The following ANO1 variants were observed in gnomAD, a reference collection of about 807,000 sequenced individuals.
ANO1 encodes anoctamin 1.
Under a neutral mutation model 124.0 loss-of-function variants are expected in ANO1, and 59 were observed. That is an observed-to-expected ratio of 0.48 (90% confidence interval 0.39 to 0.59). ANO1 has a LOEUF of 0.59. Among genes scored for constraint, ANO1 ranks in the 20% least tolerant of loss-of-function variants. The pLI, the probability that ANO1 is intolerant of heterozygous loss-of-function variation, is 0.00. For missense variants in ANO1, 1,059 were observed against 1,328.0 expected (o/e 0.80, Z 3.15); for synonymous variants, 529 against 532.0 (o/e 0.99, Z 0.08).
At chr11:70,087,541 C>T (rs75247001) in intron 1 of ANO1, among the ~76,000 whole-genome samples, 9,629 of 152,238 alleles carry the variant, frequency 0.063, 328 homozygotes, top group Middle Eastern at 0.12. Flanking sequence ...ATACCTCCTT[C>T]TCGAAGTTCA....
chr11:70,126,218 C>A (rs745875650), intron 10 of ANO1, 23 bp downstream of exon 10: 3 of 1,606,570 alleles, frequency 1.9e-6, no homozygotes, highest in Non-Finnish European at 2.5e-6. Flanking sequence ...CCACCCCCAC[C>A]ACCCCGCAGT....
the ANO1 span, among the ~76,000 whole-genome samples, chr11:69,966,130 C>T: frequency 6.6e-6 from 1 of 152,194 alleles, no homozygotes; most frequent in African/African-American, 2.4e-5. Context: ...AGGGTGGCCC[C>T]GCAATGGAAG....
chr11:70,098,229 G>A (rs1339937048), intron 2 of ANO1, among the ~76,000 whole-genome samples: 1 of 152,222 alleles, frequency 6.6e-6, no homozygotes, highest in African/African-American at 2.4e-5. Context: ...CTTGGGAGCT[G>A]AGGAAGCTGC....
intron 21 of ANO1, 63 bp from the exon 22 acceptor site, chr11:70,170,824 T>C: frequency 6.5e-7 from 1 of 1,543,744 alleles, no homozygotes. Context: ...CACGGGGTGG[T>C]GGAGTCCCCC....
At chr11:70,136,494 T>A (rs2046960782) in intron 11 of ANO1, among the ~76,000 whole-genome samples, 1 of 118,480 alleles carries the variant, frequency 8.4e-6, no homozygotes, top group Non-Finnish European at 2.0e-5. Flanking sequence ...CATCGTCCTT[T>A]GGCCGATTTC....
At chr11:70,155,641 G>A (rs1211913039) in intron 14 of ANO1, among the ~76,000 whole-genome samples, 1 of 152,192 alleles carries the variant, frequency 6.6e-6, no homozygotes, top group Non-Finnish European at 1.5e-5. Context: ...TGTGAGATGG[G>A]GCATGACGCG....
chr11:70,167,402 G>C lies in ANO1; in HGVS notation c.2197+15G>C. On this transcript the variant is annotated intron_variant, in intron 21 of 25. Transcript: ENST00000355303. Reference sequence around the variant, plus strand: ...CATGGAAATGAGTGAGTGATGGCCGGGGCAGGCAGGTGACATCAGGATAGA... The same window carrying C: ...CATGGAAATGAGTGAGTGATGGCCGCGGCAGGCAGGTGACATCAGGATAGA... 14 of 1,604,828 alleles carry C rather than the reference G, an allele frequency of 8.7e-6. No individual in the cohort carries two copies. The highest frequency in any genetic ancestry group is 1.2e-5 in the Non-Finnish European group (14 of 1,175,576).
At chr11:70,087,300 AT>A (rs1389993556) in intron 1 of ANO1, among the ~76,000 whole-genome samples, 2 of 152,166 alleles carry the variant, frequency 1.3e-5, no homozygotes, top group Non-Finnish European at 2.9e-5. Context: ...TCCTTTAGTT[AT>A]TTGTCCATGT....
chr11:69,976,557 G>T, the ANO1 span, among the ~76,000 whole-genome samples: 1 of 80,370 alleles, frequency 1.2e-5, no homozygotes, highest in Admixed American at 1.5e-4. Flanking sequence ...AAAAAAAAGA[G>T]AGAGAGAGAG....
At chr11:70,034,345 A>T (rs531272504) in intron 1 of ANO1, among the ~76,000 whole-genome samples, 1 of 152,074 alleles carries the variant, frequency 6.6e-6, no homozygotes, top group Admixed American at 6.6e-5. Flanking sequence ...GGGGCTCAGG[A>T]AGCTTTCTAG....
intron 19 of ANO1, among the ~76,000 whole-genome samples, chr11:70,164,975 G>T (rs1392783698): frequency 6.6e-6 from 1 of 152,116 alleles, no homozygotes; most frequent in Non-Finnish European, 1.5e-5. Context: ...TGGGGCTGCC[G>T]CAACTCGATC....
At chr11:70,030,840 G>A (rs1856987665) in intron 1 of ANO1, among the ~76,000 whole-genome samples, 2 of 152,172 alleles carry the variant, frequency 1.3e-5, no homozygotes, top group Non-Finnish European at 2.9e-5. Flanking sequence ...TCCACCAGCT[G>A]GAAGGATCCC....
At chr11:70,005,552 AG>A (rs1484793985) in intron 1 of ANO1, among the ~76,000 whole-genome samples, 1 of 152,200 alleles carries the variant, frequency 6.6e-6, no homozygotes, top group Non-Finnish European at 1.5e-5. Context: ...TGATCTTCAG[AG>A]GCATATTTTT....
chr11:70,049,742 G>A lies in ANO1; in HGVS notation c.59-28800G>A, dbSNP rs1286549704. On this transcript the variant is annotated intron_variant, in intron 1 of 27. Transcript: ENST00000531349. ...TTTGTTTTGTTTTTGTTTTTTTGAG[G>A]TGGAGTCTCACTCTGTTGCGCAGGC... is the stretch of plus-strand genomic sequence containing the variant. 4.6e-5 allele frequency among the ~76,000 whole-genome samples: 7 copies of A among 151,894 alleles called. No individual in the cohort carries two copies. In the East Asian group the frequency reaches 7.7e-4, roughly 17 times the overall value.
rs76718681 is a variant in ANO1 at position 70,087,785 on chromosome 11, G to A, written c.142G>A (p.Glu48Lys). 81,334 of 1,609,240 alleles carry A rather than the reference G, an allele frequency of 0.051. 2,244 individuals are homozygous for A. The highest frequency in any genetic ancestry group is 0.099 in the African/African-American group (7,398 of 74,914). The change falls in exon 2 of 26, where the codon GAG becomes AAG. Residue 48 changes from glutamate (E) to lysine (K), a missense_variant. Coordinates refer to ENST00000355303, the MANE Select transcript of ANO1 (RefSeq NM_018043.7). The part of the protein sequence containing the change: ...LNSLSVDPDA[E>K]CKYGLYFRDG... The stretch of plus-strand genomic sequence containing the variant: ...CTCCTTATCTGTGGACCCTGATGCC[G>A]AGTGCAAGTATGGCCTGTACTTCAG...
chr11:70,089,994 TGTTTG>T (rs772231517), intron 2 of ANO1, among the ~76,000 whole-genome samples: 1 of 150,830 alleles, frequency 6.6e-6, no homozygotes, highest in Non-Finnish European at 1.5e-5. Flanking sequence ...CCCCAGGGTT[TGTTTG>T]TTTGTTTGTT....
rs57861929 is a variant in ANO1 at position 70,029,725 on chromosome 11, G to A, written c.58+43559G>A. On this transcript the variant is annotated intron_variant, in intron 1 of 27. Coordinates refer to the ANO1 transcript ENST00000531349. ...TGTTCTCCCACGGTTCTGGAGGTGA[G>A]AAGTCTGGAATGAGAGTGTGAGCAG... 2.0e-5 allele frequency among the ~76,000 whole-genome samples: 3 copies of A among 152,318 alleles called. No individual in the cohort carries two copies. The East Asian group carries it at 5.8e-4, about 29-fold the overall frequency.
intron 1 of ANO1, among the ~76,000 whole-genome samples, chr11:69,998,677 A>C (rs1856321662): frequency 6.6e-6 from 1 of 152,214 alleles, no homozygotes; most frequent in East Asian, 1.9e-4. Flanking sequence ...GGCCAGGCGC[A>C]GTGGCTCACA....
rs772929785 is a variant in ANO1 at position 70,126,083 on chromosome 11, G to A, written c.985G>A (p.Gly329Ser). 9 of 1,611,018 alleles carry A rather than the reference G, an allele frequency of 5.6e-6. No homozygotes were observed. Among genetic ancestry groups the A allele is most frequent in the African/African-American group, 4.0e-5 (3 of 74,826 alleles). Residue 329 changes from glycine (G) to serine (S), a missense_variant, in exon 10 of 26, where the codon GGC becomes AGC. This residue lies in a region of ANO1 where 809 missense variants were observed against 1,094.9 expected (regional missense o/e 0.74). Coordinates refer to ENST00000355303, the MANE Select transcript of ANO1 (RefSeq NM_018043.7). ...TAGGAAGTATTTTGGGGAGAAGATC[G>A]GCCTGTACTTCGCCTGGCTGGGCGT... ...LVRKYFGEKI[G>S]LYFAWLGVYT...
Sources: gnomAD v4.1 joint callset for allele counts (sites outside exome capture counted in the v4.1 genomes callset) on GRCh38, gnomAD v4.1.1 for gene constraint, gnomAD v4.1.1 regional missense constraint, MANE v1.5 for transcripts, NCBI Gene and HGNC (gene_info 2026-07-23, HGNC 2026-07-21) for gene names.